FAM120A: variants seen among roughly 807,000 people sequenced by gnomAD.
FAM120A encodes constitutive coactivator of PPAR-gamma-like protein 1.
A neutral mutation model predicts 109.7 loss-of-function variants in FAM120A; 15 were observed. The observed-to-expected ratio is 0.14, with a 90% CI of 0.09 to 0.21. FAM120A has a LOEUF of 0.21. Among genes scored for constraint, FAM120A ranks in the 10% least tolerant of loss-of-function variants. The probability of loss-of-function intolerance (pLI) is 1.00; values close to 1 mark genes in which losing one functional copy is unlikely to be tolerated. For synonymous variants in FAM120A, 493 were observed against 572.8 expected (o/e 0.86, Z 1.99); for missense variants, 899 against 1,439.3 (o/e 0.62, Z 6.07).
chr9:93,510,645 G>A (rs1860276593), intron 5 of FAM120A, among the ~76,000 whole-genome samples: 1 of 152,166 alleles, frequency 6.6e-6, no homozygotes, highest in Non-Finnish European at 1.5e-5. Context: ...TTTTTGTGTT[G>A]CTTTTATGAG....
chr9:93,476,441 T>C (rs1271139477), intron 3 of FAM120A, 103 bp downstream of exon 3: 2 of 752,314 alleles, frequency 2.7e-6, no homozygotes, highest in African/African-American at 3.6e-5. Context: ...GCTACAAAGT[T>C]AGCAATACCA....
rs751826254 is a variant in FAM120A at position 93,500,973 on chromosome 9, C to G, written c.1030+2087C>G. On this transcript the variant is annotated intron_variant, in intron 5 of 17. Coordinates refer to ENST00000277165, the MANE Select transcript of FAM120A (RefSeq NM_014612.5). This position sits in a 1 kb window ranked among gnomAD's most constrained non-coding sequence, Gnocchi z 4.6. ...AGTACTTGTTCAGTCATTCAATGCCCTTTTAGGTAATTCTGCCTATAAGAA... is the reference window on the plus strand; with the variant it reads ...AGTACTTGTTCAGTCATTCAATGCCGTTTTAGGTAATTCTGCCTATAAGAA... 6.6e-6 allele frequency among the ~76,000 whole-genome samples: 1 copy of G among 152,188 alleles called. No individual in the cohort carries two copies. Among genetic ancestry groups the G allele is most frequent in the Non-Finnish European group, 1.5e-5 (1 of 68,030 alleles).
At chr9:93,519,914 C>T (rs1029396258) in intron 7 of FAM120A, among the ~76,000 whole-genome samples, 2 of 151,920 alleles carry the variant, frequency 1.3e-5, no homozygotes, top group African/African-American at 4.8e-5. Context: ...CTTGCTGTTT[C>T]ACCCAGGCTG....
intron 1 of FAM120A, among the ~76,000 whole-genome samples, chr9:93,465,381 A>G (rs1297291006): frequency 6.6e-6 from 1 of 152,218 alleles, no homozygotes; most frequent in Non-Finnish European, 1.5e-5. Context: ...ACCAAATTCC[A>G]TACTTTGTAG....
chr9:93,559,885 G>C (rs894380429), intron 15 of FAM120A, among the ~76,000 whole-genome samples: 1 of 152,228 alleles, frequency 6.6e-6, no homozygotes, highest in Non-Finnish European at 1.5e-5. Context: ...GCACTGCCTA[G>C]TATAGTAGCT....
intron 3 of FAM120A, among the ~76,000 whole-genome samples, chr9:93,484,091 G>A (rs1462421468): frequency 6.6e-6 from 1 of 151,594 alleles, no homozygotes; most frequent in African/African-American, 2.4e-5. Flanking sequence ...GCTGGATGGA[G>A]TGCAGTGGCT....
Position 93,529,591 on chromosome 9 carries a change from A to AGG in FAM120A, c.1734+14_1734+15dup. On this transcript the variant is annotated intron_variant, in intron 9 of 17. Transcript: ENST00000277165. ...CATGTCCTGACGAAGGTATTATCAA[A>AGG]GGGGCCCTGGAGTGGCTTCTGTTAT... 6.2e-7 allele frequency: 1 copy of AGG among 1,612,956 alleles called. No homozygotes were observed. Among genetic ancestry groups the AGG allele is most frequent in the Non-Finnish European group, 8.5e-7 (1 of 1,178,904 alleles).
In FAM120A at chr9:93,451,725, C is replaced by T; in HGVS notation, c.-191C>T. On this transcript the variant is annotated 5_prime_UTR_variant, in exon 1 of 18. Coordinates refer to ENST00000277165, the MANE Select transcript of FAM120A (RefSeq NM_014612.5). Reference sequence around the variant, plus strand: ...GCGGCAGCGGCGGCGGCGGCAGGTCCCTCCCCAGACATGGCCCTGGGAGGC... The same window carrying T: ...GCGGCAGCGGCGGCGGCGGCAGGTCTCTCCCCAGACATGGCCCTGGGAGGC... 1 of 987,446 alleles carries T rather than the reference C, an allele frequency of 1.0e-6. No homozygotes were observed. The highest frequency in any genetic ancestry group is 1.2e-6 in the Non-Finnish European group (1 of 833,482). The allele number at this position is 987,446 out of a possible 1,614,324, so 61.2% of individuals were successfully genotyped here. A position where few individuals can be genotyped will look rare whatever the true frequency, so the allele number is the denominator to read the frequency against.
chr9:93,549,348 A>G (rs988001219), intron 11 of FAM120A, among the ~76,000 whole-genome samples: 1 of 152,212 alleles, frequency 6.6e-6, no homozygotes, highest in Admixed American at 6.5e-5. Flanking sequence ...CTAAATTGGG[A>G]TAATTATTGT....
chr9:93,467,819 G>C (rs1293287776), intron 1 of FAM120A, among the ~76,000 whole-genome samples: 1 of 152,084 alleles, frequency 6.6e-6, no homozygotes, highest in Non-Finnish European at 1.5e-5. Flanking sequence ...TTCTGTTATG[G>C]GTGGAGGAAG....
intron 1 of FAM120A, among the ~76,000 whole-genome samples, chr9:93,462,442 C>T (rs1163873549): frequency 6.6e-6 from 1 of 152,164 alleles, no homozygotes; most frequent in Non-Finnish European, 1.5e-5. Context: ...CCACCACACC[C>T]AGCTAATTTT....
At chr9:93,490,593 G>GA (rs1261859067) in intron 3 of FAM120A, among the ~76,000 whole-genome samples, 1 of 152,038 alleles carries the variant, frequency 6.6e-6, no homozygotes, top group Non-Finnish European at 1.5e-5. Flanking sequence ...CACAGCTATA[G>GA]AAAAAAATGT....
chr9:93,519,019 CCAAAAGGTTAG>C (rs1860730452), intron 7 of FAM120A, among the ~76,000 whole-genome samples: 1 of 151,910 alleles, frequency 6.6e-6, no homozygotes, highest in Non-Finnish European at 1.5e-5. Flanking sequence ...CCCAGGGATG[CCAAAAGGTTAG>C]ACACTCCTGA....
intron 5 of FAM120A, among the ~76,000 whole-genome samples, chr9:93,512,644 A>T (rs970567357): frequency 1.3e-5 from 2 of 152,108 alleles, no homozygotes; most frequent in Non-Finnish European, 2.9e-5. Flanking sequence ...TCTGAGAAAG[A>T]TGCCTCTTGT....
chr9:93,471,170 G>A lies in FAM120A; in HGVS notation c.504G>A (p.Gln168=). Residue 168 remains glutamine, a synonymous_variant, in exon 2 of 18, where the codon CAG becomes CAA. Transcript: ENST00000277165. The stretch of plus-strand genomic sequence containing the variant: ...CACAGAGCATTGAGGATCACCATCA[G>A]GAAGTGATTGGTTTCTGCAGAGAGA... ...KVAQSIEDHH[Q]EVIGFCRENG... 2 of 1,614,174 alleles carry A rather than the reference G, an allele frequency of 1.2e-6. No individual in the cohort carries two copies. Among genetic ancestry groups the A allele is most frequent in the South Asian group, 1.1e-5 (1 of 91,082 alleles).
At chr9:93,512,290 G>A (rs1456994182) in intron 5 of FAM120A, among the ~76,000 whole-genome samples, 4 of 152,220 alleles carry the variant, frequency 2.6e-5, no homozygotes, top group Admixed American at 6.5e-5. Context: ...GAATTTTACC[G>A]TATTTTAATT....
intron 13 of FAM120A, 102 bp downstream of exon 13, chr9:93,556,693 G>A: frequency 7.9e-7 from 1 of 1,266,830 alleles, no homozygotes; most frequent in Non-Finnish European, 1.1e-6. Flanking sequence ...TGTGTTTCAA[G>A]ATTCTGTTTT....
intron 2 of FAM120A, among the ~76,000 whole-genome samples, chr9:93,471,953 T>A (rs1858330870): frequency 1.3e-5 from 2 of 152,206 alleles, no homozygotes; most frequent in Admixed American, 6.5e-5. Context: ...GTTTTAACTA[T>A]GACATTAGAT....
intron 3 of FAM120A, among the ~76,000 whole-genome samples, chr9:93,483,561 TAAG>T (rs1470669213): frequency 1.3e-5 from 2 of 152,070 alleles, no homozygotes; most frequent in Admixed American, 6.5e-5. Context: ...ATAAAAATAA[TAAG>T]AAACAATTTA....
Sources: gnomAD v4.1 joint callset for allele counts (sites outside exome capture counted in the v4.1 genomes callset) on GRCh38, gnomAD v4.1.1 for gene constraint, Gnocchi (gnomAD v3.1) non-coding constraint, MANE v1.5 for transcripts, NCBI Gene and HGNC (gene_info 2026-07-23, HGNC 2026-07-21) for gene names.